FAM149B1: variants seen among roughly 807,000 people sequenced by gnomAD.
FAM149B1 encodes the protein family with sequence similarity 149 member B1, also known as primary cilium assembly protein FAM149B1.
Under a neutral mutation model 75.3 loss-of-function variants are expected in FAM149B1, and 56 were observed. The ratio of observed to expected loss-of-function variants is 0.74; its 90% CI spans 0.60 to 0.93. The LOEUF is 0.93. FAM149B1 is among the 40% of genes least tolerant of loss of function. The probability of loss-of-function intolerance (pLI) is 0.00; values close to 1 mark genes in which losing one functional copy is unlikely to be tolerated. For missense variants in FAM149B1, 639 were observed against 708.4 expected, an observed-to-expected ratio of 0.90 and a Z score of 1.11; for synonymous variants, 259 against 256.1, an observed-to-expected ratio of 1.01 and a Z score of -0.11.
intron 9 of FAM149B1, 61 bp from the exon 10 acceptor site, chr10:73,232,878 G>T (rs562922322): frequency 1.9e-5 from 20 of 1,028,042 alleles, no homozygotes; most frequent in Middle Eastern, 2.2e-4. Flanking sequence ...TACCCCGTTA[G>T]TCTTGTCTTC....
intron 7 of FAM149B1, among the ~76,000 whole-genome samples, chr10:73,217,560 A>G (rs1011217045): frequency 4.6e-5 from 7 of 152,292 alleles, no homozygotes; most frequent in Admixed American, 3.3e-4. Flanking sequence ...AGCCATTTAC[A>G]CTTTTGTGTA....
chr10:73,205,128 T>C (rs2043027538), intron 5 of FAM149B1, among the ~76,000 whole-genome samples: 1 of 151,598 alleles, frequency 6.6e-6, no homozygotes, highest in African/African-American at 2.4e-5. Context: ...TCTTAGTTTT[T>C]AAAAAACTTG....
chr10:73,192,484 T>G, intron 3 of FAM149B1, 72 bp from the exon 4 acceptor site: 1 of 1,427,434 alleles, frequency 7.0e-7, no homozygotes, highest in Non-Finnish European at 9.5e-7. Context: ...TCTTACTGCT[T>G]TTAATCTTTA....
intron 7 of FAM149B1, among the ~76,000 whole-genome samples, chr10:73,212,021 T>G (rs1190560393): frequency 1.3e-5 from 2 of 152,226 alleles, no homozygotes; most frequent in Non-Finnish European, 2.9e-5. Flanking sequence ...ATTGTTTAGC[T>G]TTCACTTATA....
At chr10:73,232,911 C>A in intron 9 of FAM149B1, 28 bp from the exon 10 acceptor site, 1 of 1,312,940 alleles carries the variant, frequency 7.6e-7, no homozygotes, top group African/African-American at 1.5e-5. Flanking sequence ...ATCTTTACTT[C>A]ATTGTGGGTT....
At chr10:73,199,801 CG>C in intron 5 of FAM149B1, 1 of 156,366 alleles carries the variant, frequency 6.4e-6, no homozygotes. Flanking sequence ...GCTTTTCAGT[CG>C]GGTGCTAAGT....
At chr10:73,207,203 G>A (rs1438121656) in intron 5 of FAM149B1, among the ~76,000 whole-genome samples, 1 of 152,146 alleles carries the variant, frequency 6.6e-6, no homozygotes, top group African/African-American at 2.4e-5. Flanking sequence ...TGGAGCTGTG[G>A]GAAGGGGGTC....
chr10:73,226,012 C>A (rs1318894755), intron 7 of FAM149B1, among the ~76,000 whole-genome samples: 2 of 152,046 alleles, frequency 1.3e-5, no homozygotes, highest in Admixed American at 1.3e-4. Flanking sequence ...ACAACAGAAT[C>A]ACCTAATAAT....
intron 3 of FAM149B1, among the ~76,000 whole-genome samples, chr10:73,178,547 C>G (rs1341624532): frequency 2.0e-5 from 3 of 151,098 alleles, no homozygotes; most frequent in Non-Finnish European, 4.4e-5. Context: ...GGCTCTGGGT[C>G]TATTCCTTTT....
intron 5 of FAM149B1, chr10:73,200,394 T>G: frequency 1.8e-6 from 1 of 569,354 alleles, no homozygotes. Context: ...GGAGATTATA[T>G]GGGAGCAACC....
chr10:73,174,603 G>T (rs1843860356), intron 1 of FAM149B1, 84 bp from the exon 2 acceptor site: 3 of 958,392 alleles, frequency 3.1e-6, no homozygotes. Flanking sequence ...AGCAGAGGAA[G>T]TAGGTGACTA....
intron 3 of FAM149B1, among the ~76,000 whole-genome samples, chr10:73,181,053 C>T (rs1022803018): frequency 1.2e-4 from 18 of 150,468 alleles, no homozygotes; most frequent in African/African-American, 4.4e-4. Flanking sequence ...GTCACCCAGG[C>T]TAGAGTGCAG....
In FAM149B1 at chr10:73,235,278, CCGACT is replaced by C. The variant is rs1245678935; in HGVS notation, c.1563_1567del (p.Asp522PhefsTer23). On this transcript the variant is annotated frameshift_variant, in exon 12 of 14. Coordinates refer to ENST00000242505, the MANE Select transcript of FAM149B1 (RefSeq NM_173348.2). LOFTEE classifies it high-confidence loss of function. Reference sequence around the variant, plus strand: ...CAGCCACAAGAAAGGCTCCTTTTGCCCGACTTTTTCCCCAGGCCCAACACAACTCA... The same window carrying C: ...CAGCCACAAGAAAGGCTCCTTTTGCCTTTTCCCCAGGCCCAACACAACTCA... 3.9e-6 allele frequency: 6 copies of C among 1,552,000 alleles called. No individual in the cohort carries two copies. Among genetic ancestry groups the C allele is most frequent in the Middle Eastern group, 3.3e-4 (2 of 5,982 alleles).
chr10:73,240,957 C>T lies in FAM149B1; in HGVS notation c.1687C>T (p.His563Tyr). ...PGRGSAGPQL[H>Y]GSTKSQSGGR... ...ATGTCATCTGACAGGTCCTCAGTTA[C>T]ATGGGTCTACAAAATCTCAAAGCGG... Residue 563 changes from histidine to tyrosine, a missense_variant, in exon 14 of 14, where the codon CAT becomes TAT. Coordinates refer to ENST00000242505, the MANE Select transcript of FAM149B1 (RefSeq NM_173348.2). 6.5e-7 allele frequency: 1 copy of T among 1,539,688 alleles called. No homozygotes were observed. Among genetic ancestry groups the T allele is most frequent in the Non-Finnish European group, 8.8e-7 (1 of 1,138,526 alleles).
At chr10:73,187,505 G>A (rs889688562) in intron 3 of FAM149B1, among the ~76,000 whole-genome samples, 8 of 151,890 alleles carry the variant, frequency 5.3e-5, no homozygotes, top group Non-Finnish European at 7.4e-5. Flanking sequence ...CGAGGTGGGC[G>A]GATCACCTGA....
intron 1 of FAM149B1, among the ~76,000 whole-genome samples, chr10:73,172,358 A>C (rs1843750887): frequency 6.6e-6 from 1 of 152,196 alleles, no homozygotes; most frequent in Admixed American, 6.5e-5. Flanking sequence ...CTAAAATCTC[A>C]AACTCTTCAT....
chr10:73,209,534 T>C (rs1441118545), intron 6 of FAM149B1, among the ~76,000 whole-genome samples: 3 of 152,224 alleles, frequency 2.0e-5, no homozygotes, highest in African/African-American at 7.2e-5. Context: ...TTATAATTAA[T>C]AATGTCTATT....
chr10:73,225,148 A>T (rs1292169541), intron 7 of FAM149B1, among the ~76,000 whole-genome samples: 2 of 152,254 alleles, frequency 1.3e-5, no homozygotes, highest in Non-Finnish European at 2.9e-5. Flanking sequence ...TTCATAATAA[A>T]CGATTATGTT....
chr10:73,223,961 C>T (rs2043475806), intron 7 of FAM149B1, among the ~76,000 whole-genome samples: 1 of 152,132 alleles, frequency 6.6e-6, no homozygotes, highest in Non-Finnish European at 1.5e-5. Context: ...CTTATTTCAC[C>T]TTTCACAATT....
Sources: gnomAD v4.1 joint callset for allele counts (sites outside exome capture counted in the v4.1 genomes callset) on GRCh38, gnomAD v4.1.1 for gene constraint, MANE v1.5 for transcripts, NCBI Gene and HGNC (gene_info 2026-07-23, HGNC 2026-07-21) for gene names.